Variants in NELFA observed in about 807,000 individuals in gnomAD.
NELFA encodes the protein negative elongation factor A.
NELFA carries 35 observed loss-of-function variants against 51.8 expected under a neutral mutation model. That is an observed-to-expected ratio of 0.68 (90% confidence interval 0.52 to 0.90). NELFA has a LOEUF of 0.90. Among genes scored for constraint, NELFA ranks in the 40% least tolerant of loss-of-function variants. The pLI is 0.00. For synonymous variants in NELFA, 417 were observed against 338.4 expected, an observed-to-expected ratio of 1.23 and a Z score of -2.55; for missense variants, 658 against 746.4, an observed-to-expected ratio of 0.88 and a Z score of 1.38.
At chr4:1,997,157 T>C (rs1269298144) in intron 1 of NELFA, among the ~76,000 whole-genome samples, 1 of 152,050 alleles carries the variant, frequency 6.6e-6, no homozygotes, top group African/African-American at 2.4e-5. Context: ...AAATCAATAC[T>C]GAAAAATCCT....
At chr4:1,988,354 G>T (rs567302572) in intron 3 of NELFA, among the ~76,000 whole-genome samples, 1 of 152,396 alleles carries the variant, frequency 6.6e-6, no homozygotes, top group African/African-American at 2.4e-5. Flanking sequence ...CTCGCTGAGG[G>T]TCAGCAGGCA....
At chr4:2,001,627 G>C (rs968017648) in intron 1 of NELFA, among the ~76,000 whole-genome samples, 1 of 152,244 alleles carries the variant, frequency 6.6e-6, no homozygotes, top group African/African-American at 2.4e-5. Flanking sequence ...GAGGGGCCGG[G>C]TGCAGTGGCT....
intron 1 of NELFA, among the ~76,000 whole-genome samples, chr4:1,994,272 A>C (rs1304538340): frequency 6.6e-6 from 1 of 152,090 alleles, no homozygotes; most frequent in Admixed American, 6.5e-5. Context: ...TTCTTAAAAA[A>C]ATTAAAAATT....
intron 1 of NELFA, among the ~76,000 whole-genome samples, chr4:2,000,442 AATAATAATG>A (rs1470785322): frequency 1.3e-5 from 2 of 152,130 alleles, no homozygotes. Flanking sequence ...GACACCAAAT[AATAATAATG>A]ATAATAATAA....
chr4:2,000,374 T>G (rs1247195418), intron 1 of NELFA, among the ~76,000 whole-genome samples: 2 of 150,740 alleles, frequency 1.3e-5, no homozygotes, highest in African/African-American at 4.9e-5. Context: ...GTGAAAAAAT[T>G]AACAAAATAG....
At position 1,984,857 on chromosome 4, in the gene NELFA, G is replaced by A; in HGVS notation, c.987C>T (p.Pro329=). The change falls in exon 8 of 11, where the codon CCC becomes CCT. Residue 329 remains proline (P), a synonymous_variant. Coordinates refer to ENST00000382882, the MANE Select transcript of NELFA (RefSeq NM_005663.5). ...TGTAGGAGGAGGCGGGAACCACGCT[G>A]GGCGTGGAGGGAAGGTAGCTCGTGG... The part of the protein sequence containing the change: ...LPSTSYLPST[P]SVVPASSYIP... 1 of 1,579,128 alleles carries A rather than the reference G, an allele frequency of 6.3e-7. No individual in the cohort carries two copies. Among genetic ancestry groups the A allele is most frequent in the Non-Finnish European group, 8.6e-7 (1 of 1,161,774 alleles).
chr4:1,986,235 G>A lies in NELFA; in HGVS notation c.765+37C>T, dbSNP rs1560860159. 2.6e-6 allele frequency: 4 copies of A among 1,564,924 alleles called. No individual in the cohort carries two copies. The East Asian group carries it at 9.5e-5, about 37-fold the overall frequency. On this transcript the variant is annotated intron_variant, in intron 5 of 10. Transcript: ENST00000382882. Reference sequence around the variant, plus strand: ...TAGTGACGGCACCAGGGCGCAACGGGCCCCGGGGTGCCACAGGAGCTGGGG... The same window carrying A: ...TAGTGACGGCACCAGGGCGCAACGGACCCCGGGGTGCCACAGGAGCTGGGG...
At chr4:1,993,144 C>T (rs1468636505) in intron 1 of NELFA, among the ~76,000 whole-genome samples, 1 of 152,194 alleles carries the variant, frequency 6.6e-6, no homozygotes, top group Non-Finnish European at 1.5e-5. Flanking sequence ...GGCAAGCGCG[C>T]GGCATTTTAT....
chr4:1,983,299 C>G lies in NELFA; in HGVS notation c.*20G>C, dbSNP rs376526560. ...CCCGTGGACCCCCACAAGTGACGGC[C>G]AGCTGTGAGGCAGGTGGTTCTAGGA... On this transcript the variant is annotated 3_prime_UTR_variant, in exon 11 of 11. Coordinates refer to ENST00000382882, the MANE Select transcript of NELFA (RefSeq NM_005663.5). The G allele has an allele frequency of 1.7e-5, 28 of 1,600,888 alleles. No homozygotes were observed. Among genetic ancestry groups the G allele is most frequent in the Non-Finnish European group, 2.3e-5 (27 of 1,170,268 alleles).
Position 2,008,819 on chromosome 4 carries a change from G to A in NELFA, c.141C>T (p.Gly47=), listed in dbSNP as rs776313048. Residue 47 remains glycine (G), a synonymous_variant, in exon 1 of 11, where the codon GGC becomes GGT. Transcript: ENST00000382882. ...ACTTGAGCTTCACTGCCGACGAGAG[G>A]CCATGGAAGCAGAGACGGATGTTGT... ...VIDNIRLCFH[G]LSSAVKLKLL... 1.9e-6 allele frequency: 3 copies of A among 1,611,722 alleles called. No individual in the cohort carries two copies. The highest frequency in any genetic ancestry group is 1.3e-5 in the African/African-American group (1 of 74,910).
Position 2,008,616 on chromosome 4 carries a change from GC to G in NELFA, c.210+133del, listed in dbSNP as rs561690239. 1,133 of 1,047,680 alleles carry G rather than the reference GC, an allele frequency of 1.1e-3. 7 individuals carry two copies. In the African/African-American group the frequency reaches 0.017, roughly 16 times the overall value. 64.9% of individuals were successfully genotyped at this position (1,047,680 alleles called of 1,614,324 possible). A position where few individuals can be genotyped will look rare whatever the true frequency, so the allele number is the denominator to read the frequency against. On this transcript the variant is annotated intron_variant, in intron 1 of 10. Transcript: ENST00000382882. ...GAGCGAGGAGGGGGCGTGAGGGCGG[GC>G]CGGGGGGGTTAACAGTCTGAAGGGG... is the stretch of plus-strand genomic sequence containing the variant.
In NELFA at chr4:1,986,378, T is replaced by G; in HGVS notation, c.659A>C (p.Gln220Pro). The G allele has an allele frequency of 6.2e-7, 1 of 1,611,562 alleles. No homozygotes were observed. Among genetic ancestry groups the G allele is most frequent in the East Asian group, 2.2e-5 (1 of 44,814 alleles). The change falls in exon 5 of 11, where the codon CAG becomes CCG. Residue 220 changes from glutamine to proline, a missense_variant. Gln to Pro is a moderately conservative substitution (Grantham distance 76). This residue lies in a region of NELFA where 371 missense variants were observed against 448.3 expected (regional missense o/e 0.83). Transcript: ENST00000382882. ...CGCCGTGGGGCTTCTGAAGGGCGCC[T>G]GCTTCGGGATGCCTTTGAGTGGGGC... Reference protein sequence around the residue: ...TTTPLKGIPKQAPFRSPTAPS... With the variant: ...TTTPLKGIPKPAPFRSPTAPS...
Position 2,008,807 on chromosome 4 carries a change from T to G in NELFA, c.153A>C (p.Ala51=), listed in dbSNP as rs377566706. ...IRLCFHGLSS[A]VKLKLLLGTL... ...TCCCGAGTAGCAACTTGAGCTTCAC[T>G]GCCGACGAGAGGCCATGGAAGCAGA... The change falls in exon 1 of 11, where the codon GCA becomes GCC. Residue 51 remains alanine, a synonymous_variant. Coordinates refer to ENST00000382882, the MANE Select transcript of NELFA (RefSeq NM_005663.5). The G allele has an allele frequency of 2.5e-6, 4 of 1,612,826 alleles. No individual in the cohort carries two copies. The highest frequency in any genetic ancestry group is 3.4e-6 in the Non-Finnish European group (4 of 1,179,616).
Position 1,984,292 on chromosome 4 carries a change from C to A in NELFA, c.1037-179G>T, listed in dbSNP as rs548925321. Among the ~76,000 whole-genome samples, 6 of 152,306 alleles carry A rather than the reference C, an allele frequency of 3.9e-5. No individual in the cohort carries two copies. The East Asian group carries it at 9.6e-4, about 24-fold the overall frequency. On this transcript the variant is annotated intron_variant, in intron 8 of 10. Transcript: ENST00000382882. ...GAAGCCCCAGCCAGAGGAACAAGGC[C>A]AGTGGTCTCAGGCCTTTCCAGACTC... is the stretch of plus-strand genomic sequence containing the variant.
rs1728221205 is a variant in NELFA at position 1,989,882 on chromosome 4, A to G, written c.383-13T>C. On this transcript the variant is annotated splice_polypyrimidine_tract_variant and intron_variant, in intron 2 of 10. Coordinates refer to ENST00000382882, the MANE Select transcript of NELFA (RefSeq NM_005663.5). The surrounding 1 kb of genome is among the most constrained non-coding windows in gnomAD (Gnocchi z 4.8). ...TCACACTCACCCACTGCCGGTAAGA[A>G]CCACATGAAGTTAGGGGCGCCCAGG... 2 of 1,611,442 alleles carry G rather than the reference A, an allele frequency of 1.2e-6. No homozygotes were observed. Among genetic ancestry groups the G allele is most frequent in the African/African-American group, 2.7e-5 (2 of 74,812 alleles).
At chr4:1,986,450 G>A (rs536560942) in intron 4 of NELFA, 48 bp from the exon 5 acceptor site, 30 of 1,597,684 alleles carry the variant, frequency 1.9e-5, no homozygotes, top group East Asian at 6.8e-5. Context: ...ACCGGCAAAC[G>A]TCCCCCACCC....
chr4:1,992,018 A>G (rs1248382441), intron 1 of NELFA: 2 of 307,762 alleles, frequency 6.5e-6, no homozygotes, highest in Non-Finnish European at 1.2e-5. Context: ...GCGCAGATGC[A>G]AGAAAACCTG....
intron 4 of NELFA, among the ~76,000 whole-genome samples, chr4:1,986,936 C>G (rs956797824): frequency 6.6e-6 from 1 of 152,096 alleles, no homozygotes; most frequent in Non-Finnish European, 1.5e-5. Flanking sequence ...CACTGCTCAA[C>G]GGCTGGCCCA....
rs201818661 is a variant in NELFA, at chr4:1,998,109, C to T, written c.211-6394G>A. On this transcript the variant is annotated intron_variant, in intron 1 of 10. Coordinates refer to ENST00000382882, the MANE Select transcript of NELFA (RefSeq NM_005663.5). ...ACGACAACAGCATCAACAACAACAA[C>T]AACAACCACAACAAAAGCCCCCATC... Among the ~76,000 whole-genome samples the T allele has an allele frequency of 2.0e-5, 3 of 151,676 alleles. No individual in the cohort carries two copies. The South Asian group carries it at 6.2e-4, about 32-fold the overall frequency.
Sources: gnomAD v4.1 joint callset for allele counts (sites outside exome capture counted in the v4.1 genomes callset) on GRCh38, gnomAD v4.1.1 for gene constraint, gnomAD v4.1.1 regional missense constraint, Gnocchi (gnomAD v3.1) non-coding constraint, MANE v1.5 for transcripts, NCBI Gene and HGNC (gene_info 2026-07-23, HGNC 2026-07-21) for gene names.